MSRA: variants seen among roughly 807,000 people sequenced by gnomAD.
MSRA encodes the protein methionine sulfoxide reductase A, also known as mitochondrial peptide methionine sulfoxide reductase.
A neutral mutation model predicts 31.3 loss-of-function variants in MSRA; 54 were observed. The observed-to-expected ratio is 1.73, with a 90% CI of 1.39 to 2.17. MSRA has a LOEUF of 2.17. MSRA is among the 30% of genes most tolerant of loss of function. MSRA has a pLI of 0.00. For missense variants in MSRA, 507 were observed against 300.9 expected (o/e 1.69, Z -5.07); for synonymous variants, 169 against 116.5 (o/e 1.45, Z -2.90).
intron 1 of MSRA, among the ~76,000 whole-genome samples, chr8:10,060,155 G>A (rs1216762393): frequency 6.6e-6 from 1 of 152,178 alleles, no homozygotes; most frequent in Non-Finnish European, 1.5e-5. Flanking sequence ...AATGATGACT[G>A]CACCAGGTTA....
chr8:10,193,669 C>G (rs1221309955), intron 1 of MSRA, among the ~76,000 whole-genome samples: 2 of 152,184 alleles, frequency 1.3e-5, no homozygotes, highest in Admixed American at 1.3e-4. Context: ...TGTAAAAAAG[C>G]ACCACCAAGC....
At chr8:10,302,462 G>A (rs1481071988) in intron 4 of MSRA, among the ~76,000 whole-genome samples, 2 of 152,198 alleles carry the variant, frequency 1.3e-5, no homozygotes, top group East Asian at 1.9e-4. Flanking sequence ...TTTCTCTTTG[G>A]TGTCAGATTT....
At chr8:10,198,866 A>G (rs1161410196) in intron 1 of MSRA, among the ~76,000 whole-genome samples, 1 of 152,060 alleles carries the variant, frequency 6.6e-6, no homozygotes, top group Non-Finnish European at 1.5e-5. Flanking sequence ...CTTGGTACCT[A>G]TTGTCAGACT....
rs567524551 is a variant in MSRA, at chr8:10,383,699, G to A, written c.544-44449G>A. Reference sequence around the variant, plus strand: ...ATTATTCTTCTGCCTACCCCAAATCGGATCGCTTTCCTTTCCTTAATCTAC... The same window carrying A: ...ATTATTCTTCTGCCTACCCCAAATCAGATCGCTTTCCTTTCCTTAATCTAC... On this transcript the variant is annotated intron_variant, in intron 5 of 5. Coordinates refer to ENST00000317173, the MANE Select transcript of MSRA (RefSeq NM_012331.5). Among the ~76,000 whole-genome samples the A allele has an allele frequency of 1.5e-4, 23 of 152,192 alleles. No homozygotes were observed. In the South Asian group the frequency reaches 4.4e-3, roughly 29 times the overall value.
chr8:10,061,263 C>G lies in MSRA; in HGVS notation c.142+6605C>G, dbSNP rs1802703648. Among the ~76,000 whole-genome samples the G allele has an allele frequency of 2.0e-5, 3 of 152,196 alleles. No individual in the cohort carries two copies. The South Asian group carries it at 6.2e-4, about 32-fold the overall frequency. The stretch of plus-strand genomic sequence containing the variant: ...CCATACCCATAGCGTGGATTGCACA[C>G]TTGGATCTTTTTACTTAGTCATTCA... On this transcript the variant is annotated intron_variant, in intron 1 of 5. Coordinates refer to ENST00000317173, the MANE Select transcript of MSRA (RefSeq NM_012331.5).
chr8:10,393,830 A>G (rs777808268), intron 5 of MSRA, among the ~76,000 whole-genome samples: 11 of 152,230 alleles, frequency 7.2e-5, no homozygotes, highest in Non-Finnish European at 1.5e-4. Flanking sequence ...CCTGTGCACC[A>G]CGTGTGCACA....
intron 4 of MSRA, among the ~76,000 whole-genome samples, chr8:10,306,958 C>G (rs977224435): frequency 6.6e-6 from 1 of 152,144 alleles, no homozygotes; most frequent in East Asian, 1.9e-4. Flanking sequence ...ATCCTAATTG[C>G]ATTTAAATCT....
intron 5 of MSRA, among the ~76,000 whole-genome samples, chr8:10,409,883 C>A (rs1462290456): frequency 2.0e-5 from 3 of 152,174 alleles, no homozygotes; most frequent in Non-Finnish European, 2.9e-5. Context: ...GCAACATAGA[C>A]CCTGTCTCTA....
chr8:10,323,745 C>CGTGTGTGTGTGTGTGT (rs10643873), intron 5 of MSRA, among the ~76,000 whole-genome samples: 9,330 of 142,528 alleles, frequency 0.065, 450 homozygotes, highest in Non-Finnish European at 0.09. Flanking sequence ...GAATTAAATA[C>CGTGTGTGTGTGTGTGT]GTGTGTGTGT....
chr8:10,366,836 C>G (rs1309251691), intron 5 of MSRA, among the ~76,000 whole-genome samples: 1 of 152,152 alleles, frequency 6.6e-6, no homozygotes, highest in Non-Finnish European at 1.5e-5. Context: ...TAGGACTTAA[C>G]TGGTTGTGCT....
At chr8:10,087,675 C>T (rs190876796) in intron 1 of MSRA, among the ~76,000 whole-genome samples, 1 of 152,266 alleles carries the variant, frequency 6.6e-6, no homozygotes, top group African/African-American at 2.4e-5. Flanking sequence ...TCTCAGTGTT[C>T]AATGTCAGAT....
intron 5 of MSRA, among the ~76,000 whole-genome samples, chr8:10,390,380 C>G (rs902528856): frequency 6.6e-6 from 1 of 152,156 alleles, no homozygotes; most frequent in Non-Finnish European, 1.5e-5. Context: ...CGCGTGGTCG[C>G]CAGTTGAGAA....
chr8:10,271,068 T>C (rs566431627), intron 3 of MSRA, among the ~76,000 whole-genome samples: 68 of 142,948 alleles, frequency 4.8e-4, no homozygotes, highest in African/African-American at 1.7e-3. Context: ...CTTTCTTCTT[T>C]TTTTTTTTTT....
chr8:10,210,458 C>T (rs1025133650), intron 2 of MSRA, among the ~76,000 whole-genome samples: 4 of 152,192 alleles, frequency 2.6e-5, no homozygotes, highest in South Asian at 2.1e-4. Context: ...TTTAGCAAAT[C>T]GATTTGTATA....
chr8:10,283,832 TATATACACACAC>T (rs1396408293), intron 3 of MSRA, among the ~76,000 whole-genome samples: 5 of 65,326 alleles, frequency 7.7e-5, no homozygotes, highest in Admixed American at 2.2e-4. Flanking sequence ...TATATATATA[TATATACACACAC>T]ACACACACAC....
In MSRA at chr8:10,301,633, C is replaced by T. The variant is rs753425355; in HGVS notation, c.431C>T (p.Thr144Ile). 6.2e-7 allele frequency: 1 copy of T among 1,613,038 alleles called. No individual in the cohort carries two copies. Residue 144 changes from threonine (T) to isoleucine (I), a missense_variant, in exon 4 of 6, where the codon ACC becomes ATC. By Grantham distance (89) the Thr-to-Ile change is moderately conservative. Transcript: ENST00000317173. ...LKVFWENHDP[T>I]QGMRQGNDHG... Reference sequence around the variant, plus strand: ...GTCTTCTGGGAGAATCACGACCCGACCCAAGGTAGAGTGATGAGTGAGCCA... The same window carrying T: ...GTCTTCTGGGAGAATCACGACCCGATCCAAGGTAGAGTGATGAGTGAGCCA...
chr8:10,405,997 C>T (rs901883570), intron 5 of MSRA, among the ~76,000 whole-genome samples: 1 of 152,274 alleles, frequency 6.6e-6, no homozygotes, highest in African/African-American at 2.4e-5. Flanking sequence ...GGCTATTCAC[C>T]ATCTGTCCTC....
At chr8:10,182,832 C>G (rs1349766023) in intron 1 of MSRA, among the ~76,000 whole-genome samples, 1 of 152,184 alleles carries the variant, frequency 6.6e-6, no homozygotes, top group African/African-American at 2.4e-5. Flanking sequence ...TGCTTTGTAA[C>G]TTAATCACAT....
chr8:10,206,492 C>A (rs77982883), intron 1 of MSRA, among the ~76,000 whole-genome samples: 3,750 of 152,302 alleles, frequency 0.025, 162 homozygotes, highest in African/African-American at 0.085. Context: ...GGGCTACAGG[C>A]AGCTTCCCAT....
Sources: allele counts gnomAD v4.1 joint callset (sites outside exome capture counted in the v4.1 genomes callset), GRCh38; gene constraint gnomAD v4.1.1; transcripts MANE v1.5; gene names NCBI Gene and HGNC (gene_info 2026-07-23, HGNC 2026-07-21).